NRP1: variants seen among roughly 807,000 people sequenced by gnomAD.
NRP1 encodes neuropilin 1.
Under a neutral mutation model 106.7 loss-of-function variants are expected in NRP1, and 35 were observed. The observed-to-expected ratio is 0.33, with a 90% CI of 0.25 to 0.43. The LOEUF (loss-of-function observed/expected upper bound fraction) is 0.43. NRP1 is among the 20% of genes least tolerant of loss of function. The probability of loss-of-function intolerance (pLI) is 1.00; values close to 1 mark genes in which losing one functional copy is unlikely to be tolerated. For missense variants in NRP1, 1,024 were observed against 1,170.4 expected (o/e 0.87, Z 1.83); for synonymous variants, 437 against 417.9 (o/e 1.05, Z -0.56).
chr10:33,216,206 T>C (rs1838755272), intron 8 of NRP1, among the ~76,000 whole-genome samples: 1 of 151,274 alleles, frequency 6.6e-6, no homozygotes, highest in African/African-American at 2.4e-5. Context: ...GGGGCGATCT[T>C]GGCTCACTGC....
intron 2 of NRP1, among the ~76,000 whole-genome samples, chr10:33,277,840 T>C (rs1156272704): frequency 6.6e-6 from 1 of 152,224 alleles, no homozygotes; most frequent in Non-Finnish European, 1.5e-5. Context: ...TTCCTATATA[T>C]ATTTTTCACA....
chr10:33,184,295 C>A (rs530026019), intron 15 of NRP1, among the ~76,000 whole-genome samples: 1 of 152,228 alleles, frequency 6.6e-6, no homozygotes, highest in Non-Finnish European at 1.5e-5. Flanking sequence ...GGATGACAGA[C>A]GTGAGCCACT....
intron 16 of NRP1, among the ~76,000 whole-genome samples, chr10:33,182,097 GA>G (rs1348230309): frequency 2.0e-5 from 3 of 151,604 alleles, no homozygotes; most frequent in African/African-American, 7.3e-5. Context: ...TCTGTCTCAA[GA>G]AAAAAAGAAA....
chr10:33,239,604 G>T (rs140180553), intron 6 of NRP1, among the ~76,000 whole-genome samples: 1 of 152,294 alleles, frequency 6.6e-6, no homozygotes, highest in East Asian at 1.9e-4. Flanking sequence ...TAAAACTAGA[G>T]TCTGCTAACT....
chr10:33,291,917 T>G (rs768329917), intron 2 of NRP1, among the ~76,000 whole-genome samples: 6 of 152,236 alleles, frequency 3.9e-5, no homozygotes, highest in Non-Finnish European at 8.8e-5. Flanking sequence ...TTCATTTTGT[T>G]TTTTGAGGCA....
chr10:33,213,137 C>A lies in NRP1; in HGVS notation c.1614+249G>T, dbSNP rs1456041611. ...CCCCGTCTCCTGTCTGCATGTTGAGCTGTCTGTCCATCCCTACAGCCAGGG... is the reference window on the plus strand; with the variant it reads ...CCCCGTCTCCTGTCTGCATGTTGAGATGTCTGTCCATCCCTACAGCCAGGG... On this transcript the variant is annotated intron_variant, in intron 9 of 16. Transcript: ENST00000374867. The A allele has an allele frequency of 5.8e-6, 6 of 1,033,830 alleles. No homozygotes were observed. In the East Asian group the frequency reaches 1.3e-4, roughly 23 times the overall value. The allele number at this position is 1,033,830 out of a possible 1,614,324, so 64.0% of individuals were successfully genotyped here.
chr10:33,298,317 G>A (rs537486930), intron 2 of NRP1, among the ~76,000 whole-genome samples: 2 of 152,204 alleles, frequency 1.3e-5, no homozygotes, highest in South Asian at 2.1e-4. Context: ...CTCATGGATC[G>A]GAAGAATGGG....
At position 33,180,382 on chromosome 10, in the gene NRP1, T is replaced by C. The variant is rs781573061; in HGVS notation, c.2483-17A>G. On this transcript the variant is annotated splice_polypyrimidine_tract_variant and intron_variant, in intron 16 of 16. Transcript: ENST00000374867. ...GCGTGCTCCCTATGGAAAAAAACAA[T>C]ATTGTCTCCGTGAGCACCGCCAACA... 1.3e-6 allele frequency: 2 copies of C among 1,560,890 alleles called. No individual in the cohort carries two copies. The highest frequency in any genetic ancestry group is 1.7e-6 in the Non-Finnish European group (2 of 1,150,882).
intron 2 of NRP1, chr10:33,288,156 T>C (rs183305062): frequency 2.0e-4 from 31 of 152,298 alleles, no homozygotes; most frequent in African/African-American, 5.5e-4. Flanking sequence ...GGAGGTCAAA[T>C]GTATGTCCAG....
intron 2 of NRP1, among the ~76,000 whole-genome samples, chr10:33,289,566 A>G (rs1045958043): frequency 2.6e-5 from 4 of 152,332 alleles, no homozygotes; most frequent in African/African-American, 9.6e-5. Context: ...GACGCATTTC[A>G]AATTGTTCCT....
At chr10:33,209,926 G>C (rs1838164402) in intron 9 of NRP1, among the ~76,000 whole-genome samples, 1 of 152,240 alleles carries the variant, frequency 6.6e-6, no homozygotes, top group Non-Finnish European at 1.5e-5. Context: ...GCCGGCCCCA[G>C]GCCATGCCAG....
chr10:33,311,546 T>C (rs2132792259), intron 2 of NRP1, among the ~76,000 whole-genome samples: 1 of 152,340 alleles, frequency 6.6e-6, no homozygotes, highest in African/African-American at 2.4e-5. Flanking sequence ...TCTCTATCAC[T>C]ATCGCTATCA....
Position 33,270,775 on chromosome 10 carries a change from A to G in NRP1, c.330T>C (p.Pro110=), listed in dbSNP as rs943695307. ...GAAATGGCCCTGAAGACACAACAGG[A>G]GGAGGGGCTATCTTTCCACAGAACT... The part of the protein sequence containing the change: ...RGKFCGKIAP[P]PVVSSGPFLF... The change falls in exon 3 of 17, where the codon CCT becomes CCC. Residue 110 remains proline (P), a synonymous_variant. Coordinates refer to ENST00000374867, the MANE Select transcript of NRP1 (RefSeq NM_003873.7). The G allele has an allele frequency of 1.9e-6, 3 of 1,613,884 alleles. No homozygotes were observed. The highest frequency in any genetic ancestry group is 2.5e-6 in the Non-Finnish European group (3 of 1,179,928).
Position 33,218,388 on chromosome 10 carries a change from G to T in NRP1, c.1282+3331C>A, listed in dbSNP as rs1181746420. On this transcript the variant is annotated intron_variant, in intron 8 of 16. Transcript: ENST00000374867. ...GAATCTTGCTCTGTTGCCCAGGCTG[G>T]AGTGCAGTGGCCAGTGGCACAATCT... Among the ~76,000 whole-genome samples, 9 of 150,424 alleles carry T rather than the reference G, an allele frequency of 6.0e-5. No homozygotes were observed. The South Asian group carries it at 1.3e-3, about 21-fold the overall frequency.
intron 2 of NRP1, among the ~76,000 whole-genome samples, chr10:33,272,226 A>G (rs1843357741): frequency 6.6e-6 from 1 of 152,242 alleles, no homozygotes; most frequent in Non-Finnish European, 1.5e-5. Flanking sequence ...ATTAAAAATG[A>G]CATTACCTCA....
In NRP1 at chr10:33,334,651, C is replaced by T. The variant is rs1262060251; in HGVS notation, c.-269G>A. 1 of 187,152 alleles carries T rather than the reference C, an allele frequency of 5.3e-6. No homozygotes were observed. The highest frequency in any genetic ancestry group is 2.8e-5 in the African/African-American group (1 of 35,808). The allele number at this position is 187,152 out of a possible 1,614,324, so 11.6% of individuals were successfully genotyped here. ...ACACTTGTTCCTCTTCCAGGAGCCA[C>T]TGCCCGGGCCATGTCTCAAAAAAAA... is the stretch of plus-strand genomic sequence containing the variant. On this transcript the variant is annotated 5_prime_UTR_variant, in exon 1 of 17. The change creates a new upstream start codon in the 5' untranslated region. Coordinates refer to ENST00000374867, the MANE Select transcript of NRP1 (RefSeq NM_003873.7).
At chr10:33,196,400 C>G (rs187971924) in intron 12 of NRP1, among the ~76,000 whole-genome samples, 1 of 152,186 alleles carries the variant, frequency 6.6e-6, no homozygotes, top group Non-Finnish European at 1.5e-5. Flanking sequence ...ACCCTTCATC[C>G]ACAGAAAATC....
Position 33,178,384 on chromosome 10 carries a change from C to T in NRP1, c.*1692G>A, listed in dbSNP as rs10827206. ...GTTAGAGGCTTAGATGTTGCCAGCCCTAAGGCAGGCTTATTCTTTGTGAGC... is the reference window on the plus strand; with the variant it reads ...GTTAGAGGCTTAGATGTTGCCAGCCTTAAGGCAGGCTTATTCTTTGTGAGC... On this transcript the variant is annotated 3_prime_UTR_variant, in exon 17 of 17. Transcript: ENST00000374867. 0.17 allele frequency: 26,414 copies of T among 152,112 alleles called. 2,656 individuals are homozygous for T. Among genetic ancestry groups the T allele is most frequent in the East Asian group, 0.49 (2,539 of 5,146 alleles). 9.4% of individuals were successfully genotyped at this position (152,112 alleles called of 1,614,324 possible).
intron 2 of NRP1, among the ~76,000 whole-genome samples, chr10:33,321,133 C>T (rs2776923): frequency 1.6e-4 from 24 of 151,878 alleles, no homozygotes; most frequent in African/African-American, 5.3e-4. Flanking sequence ...ATTACAGGTG[C>T]GTGCCACCAC....
Sources: gnomAD v4.1 joint callset for allele counts (sites outside exome capture counted in the v4.1 genomes callset) on GRCh38, gnomAD v4.1.1 for gene constraint, MANE v1.5 for transcripts, NCBI Gene and HGNC (gene_info 2026-07-23, HGNC 2026-07-21) for gene names.